The following TNR variants were observed in gnomAD, a reference collection of about 807,000 sequenced individuals.
TNR encodes the protein tenascin R, also known as tenascin-R.
A neutral mutation model predicts 150.4 loss-of-function variants in TNR; 45 were observed. The observed-to-expected ratio is 0.30, with a 90% CI of 0.24 to 0.38. TNR has a LOEUF of 0.38. Ranked by LOEUF, TNR falls within the 10% of genes least tolerant of loss-of-function variation. TNR has a pLI of 1.00. For synonymous variants in TNR, 687 were observed against 678.4 expected (o/e 1.01, Z -0.20); for missense variants, 1,544 against 1,759.1 (o/e 0.88, Z 2.19).
At chr1:175,723,508 G>A (rs1274235174) in intron 1 of TNR, among the ~76,000 whole-genome samples, 1 of 152,138 alleles carries the variant, frequency 6.6e-6, no homozygotes, top group Admixed American at 6.5e-5. Context: ...CAGTCTACTG[G>A]GAAACATGGA....
intron 2 of TNR, among the ~76,000 whole-genome samples, chr1:175,435,328 T>G (rs140860879): frequency 6.6e-6 from 1 of 152,172 alleles, no homozygotes; most frequent in African/African-American, 2.4e-5. Flanking sequence ...GATGGATTGA[T>G]AGTTGGTGAG....
intron 1 of TNR, among the ~76,000 whole-genome samples, chr1:175,688,460 T>C (rs1192804023): frequency 2.0e-5 from 3 of 152,234 alleles, no homozygotes; most frequent in Non-Finnish European, 2.9e-5. Context: ...TGAACATTAG[T>C]TGAGCAAATG....
chr1:175,582,914 C>A (rs1662415472), intron 1 of TNR, among the ~76,000 whole-genome samples: 1 of 151,988 alleles, frequency 6.6e-6, no homozygotes, highest in Non-Finnish European at 1.5e-5. Context: ...CTCCTCTTAA[C>A]CTCTCTCTGC....
At chr1:175,532,838 T>C (rs1660126330) in intron 1 of TNR, among the ~76,000 whole-genome samples, 1 of 152,102 alleles carries the variant, frequency 6.6e-6, no homozygotes, top group Non-Finnish European at 1.5e-5. Flanking sequence ...GGTGCTTGAG[T>C]GTCCTTACAA....
intron 1 of TNR, among the ~76,000 whole-genome samples, chr1:175,696,217 GTTTTTTTTT>G (rs5778870): frequency 2.7e-4 from 11 of 40,460 alleles, no homozygotes; most frequent in South Asian, 1.2e-3. Flanking sequence ...CCTTCCTGTA[GTTTTTTTTT>G]TTTTTTTTTT....
intron 18 of TNR, 70 bp downstream of exon 18, chr1:175,354,321 G>T: frequency 5.7e-6 from 9 of 1,579,452 alleles, no homozygotes; most frequent in Non-Finnish European, 7.8e-6. Flanking sequence ...GCAAGTCTCA[G>T]CAGAGGCTGC....
chr1:175,624,766 G>A (rs1294848044), intron 1 of TNR, among the ~76,000 whole-genome samples: 1 of 152,146 alleles, frequency 6.6e-6, no homozygotes. Context: ...ACAGCCTAAG[G>A]GAATGGTGGG....
chr1:175,726,089 T>G (rs1301900533), intron 1 of TNR, among the ~76,000 whole-genome samples: 1 of 152,170 alleles, frequency 6.6e-6, no homozygotes, highest in Non-Finnish European at 1.5e-5. Context: ...GGCAGAAAAT[T>G]GATTACTTAA....
intron 1 of TNR, among the ~76,000 whole-genome samples, chr1:175,620,092 A>G (rs1048897505): frequency 6.6e-6 from 1 of 152,238 alleles, no homozygotes; most frequent in Non-Finnish European, 1.5e-5. Flanking sequence ...ATCTCTGTTA[A>G]TAAATCTCCA....
At chr1:175,709,339 A>G (rs1337082320) in intron 1 of TNR, among the ~76,000 whole-genome samples, 6 of 150,708 alleles carry the variant, frequency 4.0e-5, no homozygotes, top group South Asian at 2.1e-4. Context: ...ACACACACAC[A>G]CACGCACTTC....
intron 1 of TNR, among the ~76,000 whole-genome samples, chr1:175,532,159 T>C (rs1300103374): frequency 2.0e-5 from 3 of 152,250 alleles, no homozygotes. Context: ...TACTGCAAAT[T>C]GCTGGAGATG....
At chr1:175,731,825 T>C (rs1278416396) in intron 1 of TNR, among the ~76,000 whole-genome samples, 1 of 152,208 alleles carries the variant, frequency 6.6e-6, no homozygotes, top group Non-Finnish European at 1.5e-5. Context: ...ATGCAAAAGC[T>C]AAACCCTAGC....
rs192160839 is a variant in TNR, at chr1:175,544,792, C to T, written c.-164-16423G>A. ...CAGTGTGGTATTATTTTTTCCCTAT[C>T]ATTGGCTGTTTTTCTTGGGAGATGA... is the stretch of plus-strand genomic sequence containing the variant. On this transcript the variant is annotated intron_variant, in intron 1 of 22. Transcript: ENST00000367674. Among the ~76,000 whole-genome samples the T allele has an allele frequency of 8.5e-3, 1,294 of 152,324 alleles. 10 individuals carry two copies. Among genetic ancestry groups the T allele is most frequent in the Non-Finnish European group, 0.014 (940 of 68,030 alleles).
At position 175,469,429 on chromosome 1, in the gene TNR, T is replaced by C. The variant is rs953488270; in HGVS notation, c.-64+58840A>G. 3.3e-5 allele frequency among the ~76,000 whole-genome samples: 5 copies of C among 152,202 alleles called. No individual in the cohort carries two copies. The East Asian group carries it at 9.7e-4, about 29-fold the overall frequency. The stretch of plus-strand genomic sequence containing the variant: ...TCACTAGTAGCAAATGGGTAATTAA[T>C]GGTGTGTAGTTGGGTCAGAGAAGGT... On this transcript the variant is annotated intron_variant, in intron 2 of 22. Transcript: ENST00000367674.
intron 1 of TNR, among the ~76,000 whole-genome samples, chr1:175,635,193 C>A (rs1250121169): frequency 6.6e-6 from 1 of 152,222 alleles, no homozygotes; most frequent in African/African-American, 2.4e-5. Flanking sequence ...GACTTAGAGG[C>A]CAGCTCTGAC....
At chr1:175,731,264 C>A (rs1287876153) in intron 1 of TNR, among the ~76,000 whole-genome samples, 2 of 152,098 alleles carry the variant, frequency 1.3e-5, no homozygotes, top group Non-Finnish European at 2.9e-5. Flanking sequence ...CTGAAAAGTG[C>A]GAGTTAGTAT....
chr1:175,545,787 G>C (rs1167508705), intron 1 of TNR, among the ~76,000 whole-genome samples: 1 of 152,212 alleles, frequency 6.6e-6, no homozygotes, highest in Non-Finnish European at 1.5e-5. Flanking sequence ...GTAGCAAACG[G>C]AGGCCATCCA....
At chr1:175,398,176 A>C (rs1311904104) in intron 4 of TNR, among the ~76,000 whole-genome samples, 1 of 152,184 alleles carries the variant, frequency 6.6e-6, no homozygotes. Flanking sequence ...AGACAGAGAC[A>C]CAAGGAGACC....
chr1:175,730,160 A>G (rs1184247126), intron 1 of TNR, among the ~76,000 whole-genome samples: 2 of 151,826 alleles, frequency 1.3e-5, no homozygotes, highest in Non-Finnish European at 2.9e-5. Flanking sequence ...TTCCAGCCAC[A>G]TCACGTTTCT....
Sources: gnomAD v4.1 joint callset for allele counts (sites outside exome capture counted in the v4.1 genomes callset) on GRCh38, gnomAD v4.1.1 for gene constraint, MANE v1.5 for transcripts, NCBI Gene and HGNC (gene_info 2026-07-23, HGNC 2026-07-21) for gene names.